Variants in INTS1 observed in about 807,000 individuals in gnomAD.
INTS1 encodes the protein integrator complex subunit 1.
In INTS1, 137 loss-of-function variants were observed where a neutral mutation model predicts 241.6. That is an observed-to-expected ratio of 0.57 (90% CI 0.49 to 0.65). INTS1 has a LOEUF of 0.65. Ranked by LOEUF, INTS1 falls within the 30% of genes least tolerant of loss-of-function variation. The pLI is 0.00. For synonymous variants in INTS1, 1,692 were observed against 1,337.8 expected (o/e 1.26, Z -5.78); for missense variants, 3,073 against 3,032.2 (o/e 1.01, Z -0.32).
intron 44 of INTS1, 75 bp downstream of exon 44, chr7:1,472,198 G>T (rs1584254106): frequency 8.9e-7 from 1 of 1,129,396 alleles, no homozygotes. Flanking sequence ...TGCCCAAATG[G>T]CTACTGGCTG....
chr7:1,478,220 C>T (rs1781820568), intron 33 of INTS1, 146 bp downstream of exon 33: 2 of 913,940 alleles, frequency 2.2e-6, no homozygotes, highest in African/African-American at 1.7e-5. Context: ...CCGCCCTGAG[C>T]CATCTGGGAG....
At chr7:1,500,478 A>G (rs1052204530) in intron 3 of INTS1, 112 bp from the exon 4 acceptor site, 10 of 1,219,516 alleles carry the variant, frequency 8.2e-6, no homozygotes, top group Non-Finnish European at 8.9e-6. Context: ...CGGCCCTGCC[A>G]GGGACCAGCG....
rs1157272343 is a variant in INTS1, at chr7:1,495,660, A to G, written c.1712-107T>C. ...GCTGGCACTTGGGAGGGGGTAACTC[A>G]GGGCACCCCCAGCTTCTGGACGATT... On this transcript the variant is annotated intron_variant, in intron 12 of 47. Transcript: ENST00000404767. The G allele has an allele frequency of 2.4e-5, 33 of 1,399,930 alleles. No homozygotes were observed. The East Asian group carries it at 7.8e-4, about 33-fold the overall frequency. 86.7% of individuals were successfully genotyped at this position (1,399,930 alleles called of 1,614,324 possible). A position where few individuals can be genotyped will look rare whatever the true frequency, so the allele number is the denominator to read the frequency against.
chr7:1,477,895 C>A lies in INTS1; in HGVS notation c.4672G>T (p.Glu1558Ter), dbSNP rs767018793. The change falls in exon 34 of 48, where the codon GAG (glutamate) becomes TAG (stop). Residue 1558 changes from glutamate to a stop codon, truncating the protein, a stop_gained. Coordinates refer to ENST00000404767, the MANE Select transcript of INTS1 (RefSeq NM_001080453.3). LOFTEE classifies it high-confidence loss of function. ...LIEVRSPHLE[E>*]LLTAFFSATA... The stretch of plus-strand genomic sequence containing the variant: ...GCAGAGAAGAATGCAGTCAGCAGCT[C>A]CTCCAGGTGGGGGGACCTCACCTCG... The A allele has an allele frequency of 6.2e-7, 1 of 1,612,506 alleles. No homozygotes were observed. Among genetic ancestry groups the A allele is most frequent in the Non-Finnish European group, 8.5e-7 (1 of 1,179,856 alleles).
rs1311096115 is a variant in INTS1 at position 1,487,817 on chromosome 7, T to C, written c.2459A>G (p.Gln820Arg). The change falls in exon 19 of 48, where the codon CAG becomes CGG. Residue 820 changes from glutamine (Q) to arginine (R), a missense_variant. Coordinates refer to ENST00000404767, the MANE Select transcript of INTS1 (RefSeq NM_001080453.3). ...GAGGCTGCTGCTCTCAGTGATGGTC[T>C]GCTTGGTGGACGCGGCCGCCAGGTG... The part of the protein sequence containing the change: ...EGHLAAASTK[Q>R]TITESSSLLL... 1 of 1,612,754 alleles carries C rather than the reference T, an allele frequency of 6.2e-7. No homozygotes were observed. Among genetic ancestry groups the C allele is most frequent in the African/African-American group, 1.3e-5 (1 of 75,042 alleles).
chr7:1,483,954 G>A, intron 25 of INTS1, 49 bp downstream of exon 25: 1 of 1,589,064 alleles, frequency 6.3e-7, no homozygotes. Context: ...GCCTCACCCA[G>A]CCGTAGACCT....
chr7:1,472,247 C>T lies in INTS1; in HGVS notation c.6184+26G>A, dbSNP rs770411847. 24 of 1,504,532 alleles carry T rather than the reference C, an allele frequency of 1.6e-5. No individual in the cohort carries two copies. The East Asian group carries it at 2.7e-4, about 17-fold the overall frequency. 93.2% of individuals were successfully genotyped at this position (1,504,532 alleles called of 1,614,324 possible). Reference sequence around the variant, plus strand: ...CATGGGACCCAGGGCGCTGACCTGGCGTGGGTGAAGCAGGGCCTGACTCAC... The same window carrying T: ...CATGGGACCCAGGGCGCTGACCTGGTGTGGGTGAAGCAGGGCCTGACTCAC... On this transcript the variant is annotated intron_variant, in intron 44 of 47. Transcript: ENST00000404767.
intron 12 of INTS1, 151 bp downstream of exon 12, chr7:1,496,005 C>T (rs1782833168): frequency 3.1e-6 from 2 of 636,554 alleles, no homozygotes; most frequent in South Asian, 3.8e-5. Context: ...ACGGGGACGG[C>T]AGCTTCCAGG....
intron 8 of INTS1, 28 bp downstream of exon 8, chr7:1,498,947 C>CCCCCCCCCCCCCCCGG: frequency 3.0e-6 from 4 of 1,339,456 alleles, no homozygotes; most frequent in Non-Finnish European, 4.1e-6. Context: ...CCCCCTGCCC[C>CCCCCCCCCCCCCCCGG]GCCCACCCCC....
intron 26 of INTS1, 47 bp from the exon 27 acceptor site, chr7:1,482,754 C>T (rs1263027654): frequency 2.5e-6 from 4 of 1,594,984 alleles, no homozygotes; most frequent in Admixed American, 1.7e-5. Context: ...CACCGGGGCC[C>T]AGCCCCAAGC....
intron 3 of INTS1, among the ~76,000 whole-genome samples, chr7:1,500,649 C>T (rs533682643): frequency 6.6e-6 from 1 of 152,336 alleles, no homozygotes; most frequent in Admixed American, 6.5e-5. Context: ...AGACATTTCC[C>T]AGCAAGCCAG....
Position 1,472,323 on chromosome 7 carries a change from G to A in INTS1, c.6134C>T (p.Ala2045Val). ...CCGTTTCATGTAGGGGGCCATCTCG[G>A]CCGCGGTCAGAGGGGTGAACAGGGA... ...SVSLFTPLTA[A>V]EMAPYMKRLS... The change falls in exon 44 of 48, where the codon GCC becomes GTC. Residue 2045 changes from alanine (A) to valine (V), a missense_variant. By Grantham distance (64) the Ala-to-Val change is moderately conservative (BLOSUM62 0). Coordinates refer to ENST00000404767, the MANE Select transcript of INTS1 (RefSeq NM_001080453.3). The A allele has an allele frequency of 6.4e-7, 1 of 1,571,132 alleles. No homozygotes were observed. Among genetic ancestry groups the A allele is most frequent in the Non-Finnish European group, 8.6e-7 (1 of 1,158,950 alleles).
Position 1,498,665 on chromosome 7 carries a change from CA to C in INTS1, c.1283+41del. 3.9e-6 allele frequency: 6 copies of C among 1,539,338 alleles called. No individual in the cohort carries two copies. The East Asian group carries it at 1.5e-4, about 38-fold the overall frequency. ...CCGCCCACACCCCCACCCACACCCCCACTCCACCCGCACCCCCGCTCTGCCC... is the reference window on the plus strand; with the variant it reads ...CCGCCCACACCCCCACCCACACCCCCCTCCACCCGCACCCCCGCTCTGCCC... On this transcript the variant is annotated intron_variant, in intron 9 of 47. Transcript: ENST00000404767.
In INTS1 at chr7:1,493,639, C is replaced by T; in HGVS notation, c.2068+115G>A. 2 of 1,373,650 alleles carry T rather than the reference C, an allele frequency of 1.5e-6. No homozygotes were observed. Among genetic ancestry groups the T allele is most frequent in the Non-Finnish European group, 1.9e-6 (2 of 1,039,850 alleles). 85.1% of individuals were successfully genotyped at this position (1,373,650 alleles called of 1,614,324 possible). ...CCCCGAGCCTCCCGGGGACCCAGGACCCAGCTGAAGCGCAGCTTTGTGGAG... is the reference window on the plus strand; with the variant it reads ...CCCCGAGCCTCCCGGGGACCCAGGATCCAGCTGAAGCGCAGCTTTGTGGAG... On this transcript the variant is annotated intron_variant, in intron 15 of 47. Transcript: ENST00000404767. This position sits in a 1 kb window ranked among gnomAD's most constrained non-coding sequence, Gnocchi z 5.3.
At chr7:1,495,319 C>T (rs893944222) in intron 13 of INTS1, 114 bp downstream of exon 13, 29 of 1,266,966 alleles carry the variant, frequency 2.3e-5, no homozygotes, top group African/African-American at 3.2e-5. Context: ...AGGGGCTGTG[C>T]GGGGCCTGGC....
Position 1,480,913 on chromosome 7 carries a change from C to T in INTS1, c.3871G>A (p.Glu1291Lys). ...GAGGCGCCGCGCTCATGCTGGACCT[C>T]CACCAGGTGGGCCATGTAATCTGCA... is the stretch of plus-strand genomic sequence containing the variant. ...MDKNYMAHLV[E>K]VQHERGASGG... Residue 1291 changes from glutamate (E) to lysine (K), a missense_variant, in exon 29 of 48, where the codon GAG becomes AAG. Transcript: ENST00000404767. The T allele has an allele frequency of 6.4e-7, 1 of 1,570,984 alleles. No individual in the cohort carries two copies. The highest frequency in any genetic ancestry group is 1.2e-5 in the South Asian group (1 of 85,466).
Position 1,498,641 on chromosome 7 carries a change from C to T in INTS1, c.1283+66G>A, listed in dbSNP as rs1484287245. On this transcript the variant is annotated intron_variant, in intron 9 of 47. Coordinates refer to ENST00000404767, the MANE Select transcript of INTS1 (RefSeq NM_001080453.3). ...CCCCACTCCGCCCGCACCCCCGCTC[C>T]GCCCACACCCCCACCCACACCCCCA... 1.1e-5 allele frequency: 17 copies of T among 1,525,824 alleles called. 1 individual carries two copies. The highest frequency in any genetic ancestry group is 2.4e-5 in the South Asian group (2 of 82,928). 94.5% of individuals were successfully genotyped at this position (1,525,824 alleles called of 1,614,324 possible). A position where few individuals can be genotyped will look rare whatever the true frequency, so the allele number is the denominator to read the frequency against.
Position 1,500,153 on chromosome 7 carries a change from AG to A in INTS1, c.546+16del. On this transcript the variant is annotated intron_variant, in intron 4 of 47. Coordinates refer to ENST00000404767, the MANE Select transcript of INTS1 (RefSeq NM_001080453.3). ...GCCCCAGCGCTGCTCGCCTCCTGCCAGGGGCCCGGCTCAAACCTCAATGACG... is the reference window on the plus strand; with the variant it reads ...GCCCCAGCGCTGCTCGCCTCCTGCCAGGGCCCGGCTCAAACCTCAATGACG... 6.3e-7 allele frequency: 1 copy of A among 1,581,490 alleles called. No individual in the cohort carries two copies. Among genetic ancestry groups the A allele is most frequent in the Non-Finnish European group, 8.6e-7 (1 of 1,157,914 alleles).
At position 1,485,391 on chromosome 7, in the gene INTS1, C is replaced by T. The variant is rs367602486; in HGVS notation, c.3055G>A (p.Asp1019Asn). 6.2e-7 allele frequency: 1 copy of T among 1,612,764 alleles called. No individual in the cohort carries two copies. The highest frequency in any genetic ancestry group is 8.5e-7 in the Non-Finnish European group (1 of 1,179,830). Residue 1019 changes from aspartate (D) to asparagine (N), a missense_variant, in exon 23 of 48, where the codon GAC becomes AAC. Coordinates refer to ENST00000404767, the MANE Select transcript of INTS1 (RefSeq NM_001080453.3). ...KEPPMEEDVG[D>N]TDVLQGYQWL... The stretch of plus-strand genomic sequence containing the variant: ...TGATAGCCCTGCAGCACATCTGTGT[C>T]CCCCACATCCTCCTCCATGGGGGGC...
Sources: gnomAD v4.1 joint callset for allele counts (sites outside exome capture counted in the v4.1 genomes callset) on GRCh38, gnomAD v4.1.1 for gene constraint, Gnocchi (gnomAD v3.1) non-coding constraint, MANE v1.5 for transcripts, NCBI Gene and HGNC (gene_info 2026-07-23, HGNC 2026-07-21) for gene names.